Variants in TTBK1 observed in about 807,000 individuals in gnomAD.
TTBK1 encodes the protein tau-tubulin kinase 1.
In TTBK1, 34 loss-of-function variants were observed where a neutral mutation model predicts 108.5. That is an observed-to-expected ratio of 0.31 (90% CI 0.24 to 0.42). The LOEUF (loss-of-function observed/expected upper bound fraction) is 0.42, where lower values mean the gene tolerates loss of function less well. TTBK1 is among the 10% of genes least tolerant of loss of function. The probability of loss-of-function intolerance (pLI) is 1.00; values close to 1 mark genes in which losing one functional copy is unlikely to be tolerated. For synonymous variants in TTBK1, 809 were observed against 795.1 expected (o/e 1.02, Z -0.29); for missense variants, 1,539 against 1,826.0 (o/e 0.84, Z 2.86).
chr6:43,264,821 G>A (rs1777634819), intron 13 of TTBK1, among the ~76,000 whole-genome samples: 1 of 152,176 alleles, frequency 6.6e-6, no homozygotes, highest in Non-Finnish European at 1.5e-5. Flanking sequence ...CAAGGCGAGA[G>A]AGACTATAGT....
intron 13 of TTBK1, among the ~76,000 whole-genome samples, chr6:43,267,573 T>G (rs1341398935): frequency 1.3e-5 from 2 of 152,182 alleles, no homozygotes; most frequent in Non-Finnish European, 2.9e-5. Flanking sequence ...AGGGAAACAG[T>G]GTGAAAGCAG....
At chr6:43,279,230 CTG>C (rs762021362) in intron 13 of TTBK1, among the ~76,000 whole-genome samples, 3 of 151,936 alleles carry the variant, frequency 2.0e-5, no homozygotes, top group Non-Finnish European at 4.4e-5. Flanking sequence ...AATGTGAGCA[CTG>C]TGTGTGTGTG....
intron 5 of TTBK1, 143 bp from the exon 6 acceptor site, chr6:43,254,404 A>G: frequency 1.8e-6 from 1 of 568,770 alleles, no homozygotes; most frequent in Non-Finnish European, 3.1e-6. Context: ...TGATGCACAC[A>G]TGTGAATACT....
chr6:43,271,617 G>C (rs532885877), intron 13 of TTBK1: 2 of 985,108 alleles, frequency 2.0e-6, no homozygotes, highest in African/African-American at 3.5e-5. Flanking sequence ...CCCCTGCCTG[G>C]GGGTGCCATA....
In TTBK1 at chr6:43,262,878, A is replaced by C. The variant is rs912713172; in HGVS notation, c.1514A>C (p.Asp505Ala). 4 of 1,613,152 alleles carry C rather than the reference A, an allele frequency of 2.5e-6. No individual in the cohort carries two copies. The highest frequency in any genetic ancestry group is 3.4e-6 in the Non-Finnish European group (4 of 1,179,698). The part of the protein sequence containing the change: ...QMLSVDTGHA[D>A]RQASGRMDVS... ...CTGTCAGTGGACACAGGCCACGCTGACCGACAGGCCAGTGGCCGCATGGAC... is the reference window on the plus strand; with the variant it reads ...CTGTCAGTGGACACAGGCCACGCTGCCCGACAGGCCAGTGGCCGCATGGAC... The change falls in exon 13 of 15, where the codon GAC (aspartate) becomes GCC (alanine). Residue 505 changes from aspartate to alanine, a missense_variant. Physicochemically the swap from Asp to Ala is moderately radical, Grantham distance 126 (BLOSUM62 -2). Coordinates refer to ENST00000259750, the MANE Select transcript of TTBK1 (RefSeq NM_032538.3).
rs1236788168 is a variant in TTBK1 at position 43,258,914 on chromosome 6, T to G, written c.1017-124T>G. 6.1e-6 allele frequency: 4 copies of G among 661,074 alleles called. No individual in the cohort carries two copies. The Admixed American group carries it at 1.2e-4, about 20-fold the overall frequency. The allele number at this position is 661,074 out of a possible 1,614,324, so 41.0% of individuals were successfully genotyped here. A position where few individuals can be genotyped will look rare whatever the true frequency, so the allele number is the denominator to read the frequency against. On this transcript the variant is annotated intron_variant, in intron 10 of 14. Transcript: ENST00000259750. ...ATGGGCCTAGGGACACTCTCACCCC[T>G]GACGGGACTGCCTCTGTGCCCGCTC...
At position 43,255,064 on chromosome 6, in the gene TTBK1, G is replaced by A. The variant is rs1777348467; in HGVS notation, c.592G>A (p.Gly198Arg). Residue 198 changes from glycine (G) to arginine (R), a missense_variant, in exon 7 of 15, where the codon GGG becomes AGG. Physicochemically the swap from Gly to Arg is moderately radical, Grantham distance 125 (BLOSUM62 -2). Coordinates refer to ENST00000259750, the MANE Select transcript of TTBK1 (RefSeq NM_032538.3). ...CCTTCTGCAGCCTCGGAATGTGGCC[G>A]GGTTTCGAGGAACGGTTCGCTATGC... The part of the protein sequence containing the change: ...GDVRPPRNVA[G>R]FRGTVRYASV... 3.1e-6 allele frequency: 5 copies of A among 1,613,748 alleles called. No homozygotes were observed. Among genetic ancestry groups the A allele is most frequent in the Non-Finnish European group, 2.5e-6 (3 of 1,179,916 alleles).
At position 43,283,795 on chromosome 6, in the gene TTBK1, G is replaced by T. The variant is rs1393942713; in HGVS notation, c.3055G>T (p.Ala1019Ser). The T allele has an allele frequency of 2.5e-6, 4 of 1,613,012 alleles. No homozygotes were observed. The Admixed American group carries it at 5.0e-5, about 20-fold the overall frequency. ...MATNSLPNGP[A>S]LADGPAPVSP... ...CACAAACTCACTGCCCAATGGCCCG[G>T]CCCTTGCAGACGGGCCAGCCCCGGT... is the stretch of plus-strand genomic sequence containing the variant. Residue 1019 changes from alanine (A) to serine (S), a missense_variant, in exon 14 of 15, where the codon GCC becomes TCC. Coordinates refer to ENST00000259750, the MANE Select transcript of TTBK1 (RefSeq NM_032538.3). This position sits in a 1 kb window ranked among gnomAD's most constrained non-coding sequence, Gnocchi z 8.1.
chr6:43,262,463 G>C (rs1777566939), intron 12 of TTBK1, among the ~76,000 whole-genome samples: 1 of 152,196 alleles, frequency 6.6e-6, no homozygotes. Context: ...GCTTCCCTAG[G>C]GTGGCCCAGG....
intron 13 of TTBK1, chr6:43,272,005 G>A: frequency 1.0e-6 from 1 of 985,368 alleles, no homozygotes; most frequent in Non-Finnish European, 1.2e-6. Flanking sequence ...GACCCTTTGA[G>A]AAGGGACAGA....
chr6:43,254,262 G>T (rs989749907), intron 5 of TTBK1, among the ~76,000 whole-genome samples: 1 of 152,252 alleles, frequency 6.6e-6, no homozygotes, highest in East Asian at 1.9e-4. Context: ...AAAATGTGGA[G>T]CTGTACAGAC....
At position 43,281,307 on chromosome 6, in the gene TTBK1, C is replaced by A. The variant is rs950065069; in HGVS notation, c.1987-1420C>A. Among the ~76,000 whole-genome samples the A allele has an allele frequency of 2.0e-5, 3 of 148,172 alleles. No homozygotes were observed. In the Admixed American group the frequency reaches 2.1e-4, roughly 10 times the overall value. ...GGGAGAATCACTTGAACCCGGGAGGCAGAGGTTGCAGTGAGCCGAGATCGT... is the reference window on the plus strand; with the variant it reads ...GGGAGAATCACTTGAACCCGGGAGGAAGAGGTTGCAGTGAGCCGAGATCGT... On this transcript the variant is annotated intron_variant, in intron 13 of 14. Coordinates refer to ENST00000259750, the MANE Select transcript of TTBK1 (RefSeq NM_032538.3).
Position 43,285,382 on chromosome 6 carries a change from C to T in TTBK1, c.*6C>T. On this transcript the variant is annotated 3_prime_UTR_variant, in exon 15 of 15. Transcript: ENST00000259750. This position sits in a 1 kb window ranked among gnomAD's most constrained non-coding sequence, Gnocchi z 4.7. ...GCCGGGCTGGGGCCAGATAATGACG[C>T]CCGCTGCTCTCCGCGGTCCCCCACC... is the stretch of plus-strand genomic sequence containing the variant. The T allele has an allele frequency of 7.9e-7, 1 of 1,273,782 alleles. No individual in the cohort carries two copies. 78.9% of individuals were successfully genotyped at this position (1,273,782 alleles called of 1,614,324 possible).
intron 12 of TTBK1, 29 bp from the exon 13 acceptor site, chr6:43,262,760 A>AT (rs781561780): frequency 6.6e-7 from 1 of 1,509,984 alleles, no homozygotes; most frequent in Non-Finnish European, 8.9e-7. Flanking sequence ...GGGGCCAGGT[A>AT]TTGAGCCCCG....
chr6:43,266,998 C>CGTGTGTGTGTGTGT (rs3997628), intron 13 of TTBK1, among the ~76,000 whole-genome samples: 11 of 128,202 alleles, frequency 8.6e-5, no homozygotes, highest in East Asian at 2.4e-4. Context: ...CTGGAGCATG[C>CGTGTGTGTGTGTGT]GTGTGTGTGT....
rs759748655 is a variant in TTBK1, at chr6:43,255,768, G to T, written c.773G>T (p.Arg258Leu). 10 of 1,614,132 alleles carry T rather than the reference G, an allele frequency of 6.2e-6. No homozygotes were observed. Among genetic ancestry groups the T allele is most frequent in the Non-Finnish European group, 7.6e-6 (9 of 1,180,024 alleles). ...VGMIKEKYEH[R>L]MLLKHMPSEF... ...ATGATCAAGGAGAAGTATGAGCACCGGATGCTGCTGAAGCACATGCCGTCA... is the reference window on the plus strand; with the variant it reads ...ATGATCAAGGAGAAGTATGAGCACCTGATGCTGCTGAAGCACATGCCGTCA... Residue 258 changes from arginine to leucine, a missense_variant, in exon 9 of 15, where the codon CGG (arginine) becomes CTG (leucine). Physicochemically the swap from Arg to Leu is moderately radical, Grantham distance 102. Around this residue, in one of 5 missense-constraint regions of TTBK1, gnomAD observed 155 missense variants for 348.5 expected, o/e 0.44. Coordinates refer to ENST00000259750, the MANE Select transcript of TTBK1 (RefSeq NM_032538.3).
chr6:43,287,477 A>G lies in TTBK1; in HGVS notation c.*2101A>G, dbSNP rs770914019. ...GGGGGCCTGAGAGAGCCCCAGGTCC[A>G]TTCTACCCCCAGCTTCACTCAGCAC... On this transcript the variant is annotated 3_prime_UTR_variant, in exon 15 of 15. Transcript: ENST00000259750. The surrounding 1 kb of genome is among the most constrained non-coding windows in gnomAD (Gnocchi z 4.1). 2.6e-5 allele frequency: 4 copies of G among 152,538 alleles called. No individual in the cohort carries two copies. The highest frequency in any genetic ancestry group is 5.9e-5 in the Non-Finnish European group (4 of 68,098). 9.4% of individuals were successfully genotyped at this position (152,538 alleles called of 1,614,324 possible). A position where few individuals can be genotyped will look rare whatever the true frequency, so the allele number is the denominator to read the frequency against.
chr6:43,275,605 C>T (rs955738916), intron 13 of TTBK1, among the ~76,000 whole-genome samples: 2 of 151,906 alleles, frequency 1.3e-5, no homozygotes, highest in Non-Finnish European at 1.5e-5. Flanking sequence ...CCACCCCGCC[C>T]CAATAATTGG....
chr6:43,255,505 A>G (rs1483682704), intron 7 of TTBK1, 47 bp from the exon 8 acceptor site: 1 of 1,525,338 alleles, frequency 6.6e-7, no homozygotes, highest in Non-Finnish European at 8.9e-7. Flanking sequence ...GCCCATTCCC[A>G]GGGAAGGACC....
Sources: gnomAD v4.1 joint callset for allele counts (sites outside exome capture counted in the v4.1 genomes callset) on GRCh38, gnomAD v4.1.1 for gene constraint, gnomAD v4.1.1 regional missense constraint, Gnocchi (gnomAD v3.1) non-coding constraint, MANE v1.5 for transcripts, NCBI Gene and HGNC (gene_info 2026-07-23, HGNC 2026-07-21) for gene names.